The following MACROD2 variants were observed in gnomAD, a reference collection of about 807,000 sequenced individuals.
The protein encoded by MACROD2 is ADP-ribose glycohydrolase MACROD2.
In MACROD2, 36 loss-of-function variants were observed where a neutral mutation model predicts 70.4. That is an observed-to-expected ratio of 0.51 (90% confidence interval 0.39 to 0.68). The LOEUF (loss-of-function observed/expected upper bound fraction) is 0.68. MACROD2 is among the 30% of genes least tolerant of loss of function. The pLI, the probability that MACROD2 is intolerant of heterozygous loss-of-function variation, is 0.00. For missense variants in MACROD2, 496 were observed against 538.4 expected (o/e 0.92, Z 0.78); for synonymous variants, 172 against 178.8 (o/e 0.96, Z 0.30).
intron 5 of MACROD2, among the ~76,000 whole-genome samples, chr20:15,184,620 A>T (rs1568622723): frequency 6.6e-6 from 1 of 152,162 alleles, no homozygotes; most frequent in South Asian, 2.1e-4. Context: ...ATAACGTGGA[A>T]TATTTCATGG....
intron 8 of MACROD2, among the ~76,000 whole-genome samples, chr20:15,721,632 T>G (rs564160087): frequency 2.6e-5 from 4 of 152,210 alleles, no homozygotes; most frequent in African/African-American, 9.6e-5. Flanking sequence ...TTTTAATTTA[T>G]TTTTATCACA....
intron 6 of MACROD2, among the ~76,000 whole-genome samples, chr20:15,350,699 C>T (rs2078218350): frequency 1.3e-5 from 2 of 152,126 alleles, no homozygotes; most frequent in Admixed American, 1.3e-4. Context: ...CTAAGGACAA[C>T]ATGTTAAAAT....
chr20:15,870,019 A>G (rs2064557549), intron 9 of MACROD2, among the ~76,000 whole-genome samples: 1 of 152,082 alleles, frequency 6.6e-6, no homozygotes, highest in Non-Finnish European at 1.5e-5. Context: ...ATAATTTTTA[A>G]TATCTTAAAT....
intron 10 of MACROD2, among the ~76,000 whole-genome samples, chr20:15,894,570 TAAGA>T (rs1277134349): frequency 3.9e-5 from 6 of 151,990 alleles, no homozygotes; most frequent in African/African-American, 1.4e-4. Context: ...AGGCTTACTG[TAAGA>T]AAGGAGAGGT....
intron 5 of MACROD2, among the ~76,000 whole-genome samples, chr20:15,175,012 A>C (rs1332155014): frequency 5.9e-5 from 9 of 152,176 alleles, no homozygotes; most frequent in Non-Finnish European, 1.2e-4. Flanking sequence ...TAGTTTAATT[A>C]GATCCCATTT....
intron 3 of MACROD2, among the ~76,000 whole-genome samples, chr20:14,350,947 A>G (rs2083117541): frequency 6.6e-6 from 1 of 152,218 alleles, no homozygotes; most frequent in African/African-American, 2.4e-5. Context: ...ATAGGGATCA[A>G]GTTTAATTCT....
At chr20:14,769,944 A>C (rs771124777) in intron 5 of MACROD2, among the ~76,000 whole-genome samples, 5 of 152,108 alleles carry the variant, frequency 3.3e-5, no homozygotes, top group Non-Finnish European at 7.4e-5. Flanking sequence ...TGTTGAAAAA[A>C]TTCATAAGAA....
chr20:14,179,194 A>G (rs1321959877), intron 3 of MACROD2, among the ~76,000 whole-genome samples: 1 of 152,198 alleles, frequency 6.6e-6, no homozygotes, highest in Non-Finnish European at 1.5e-5. Context: ...ACAAAGGAGC[A>G]TAGTCTCTTG....
chr20:14,796,838 A>C (rs2072515126), intron 5 of MACROD2, among the ~76,000 whole-genome samples: 1 of 152,022 alleles, frequency 6.6e-6, no homozygotes, highest in South Asian at 2.1e-4. Context: ...TTGAAGGGGC[A>C]TTCTAGTGTT....
chr20:14,000,023 C>A (rs1266312396), intron 1 of MACROD2, among the ~76,000 whole-genome samples: 1 of 152,118 alleles, frequency 6.6e-6, no homozygotes, highest in African/African-American at 2.4e-5. Flanking sequence ...AAGAAAAAAA[C>A]AACTCTGTTT....
rs192564439 is a variant in MACROD2 at position 15,361,541 on chromosome 20, C to G, written c.541-69864C>G. Among the ~76,000 whole-genome samples, 13 of 152,218 alleles carry G rather than the reference C, an allele frequency of 8.5e-5. No homozygotes were observed. The East Asian group carries it at 2.5e-3, about 29-fold the overall frequency. ...TTCTTCTCTTTCATCATTGTCTATT[C>G]TAGTTCCTTTGTCATAGAAATTTTG... On this transcript the variant is annotated intron_variant, in intron 6 of 17. Transcript: ENST00000684519.
intron 8 of MACROD2, among the ~76,000 whole-genome samples, chr20:15,792,335 A>G (rs991056939): frequency 3.3e-5 from 5 of 152,166 alleles, no homozygotes; most frequent in African/African-American, 1.2e-4. Context: ...AGGACACAAG[A>G]CACAGAGCAC....
chr20:14,983,916 G>A (rs7508885), intron 5 of MACROD2, among the ~76,000 whole-genome samples: 1 of 152,140 alleles, frequency 6.6e-6, no homozygotes, highest in Admixed American at 6.5e-5. Context: ...TTGAAATGTA[G>A]AATTCATGTC....
In MACROD2 at chr20:14,555,782, C is replaced by T. The variant is rs563726786; in HGVS notation, c.301+62274C>T. 1.2e-4 allele frequency among the ~76,000 whole-genome samples: 18 copies of T among 152,040 alleles called. No individual in the cohort carries two copies. The South Asian group carries it at 2.3e-3, about 19-fold the overall frequency. ...TCTAGCTTATACATGACTGTAAAGG[C>T]GCAAATGAAAACTCTTCCTTTATTA... On this transcript the variant is annotated intron_variant, in intron 4 of 17. Coordinates refer to ENST00000684519, the MANE Select transcript of MACROD2 (RefSeq NM_001351661.2).
intron 3 of MACROD2, among the ~76,000 whole-genome samples, chr20:14,112,602 CTT>C (rs1163719181): frequency 6.6e-6 from 1 of 151,882 alleles, no homozygotes; most frequent in Non-Finnish European, 1.5e-5. Context: ...TACAGGTCAA[CTT>C]AATTTCTAAA....
At chr20:14,089,263 A>G (rs2054118911) in intron 3 of MACROD2, among the ~76,000 whole-genome samples, 1 of 152,202 alleles carries the variant, frequency 6.6e-6, no homozygotes, top group African/African-American at 2.4e-5. Flanking sequence ...TAATGGCTCT[A>G]TTTACAGCTT....
intron 3 of MACROD2, among the ~76,000 whole-genome samples, chr20:14,351,874 A>G (rs867078321): frequency 2.6e-5 from 4 of 152,264 alleles, no homozygotes; most frequent in East Asian, 1.9e-4. Context: ...TCTGTCATAT[A>G]TGGCTGTTAT....
intron 5 of MACROD2, among the ~76,000 whole-genome samples, chr20:14,927,108 T>C (rs1039348319): frequency 6.6e-6 from 1 of 152,196 alleles, no homozygotes; most frequent in African/African-American, 2.4e-5. Context: ...TTCTCCTGCC[T>C]ATTTACAACT....
intron 8 of MACROD2, among the ~76,000 whole-genome samples, chr20:15,564,539 G>A (rs904356807): frequency 6.6e-6 from 1 of 152,146 alleles, no homozygotes; most frequent in African/African-American, 2.4e-5. Flanking sequence ...TTAAAAGCAT[G>A]TTAGCAGGCA....
Sources: allele counts gnomAD v4.1 joint callset (sites outside exome capture counted in the v4.1 genomes callset), GRCh38; gene constraint gnomAD v4.1.1; transcripts MANE v1.5; gene names NCBI Gene and HGNC (gene_info 2026-07-23, HGNC 2026-07-21).